CHLSN: variants seen among roughly 807,000 people sequenced by gnomAD.
CHLSN encodes the protein cholesin.
the CHLSN span, among the ~76,000 whole-genome samples, chr7:1,034,617 A>T: frequency 6.6e-6 from 1 of 152,312 alleles, no homozygotes; most frequent in Non-Finnish European, 1.5e-5. Flanking sequence ...TGATTTTTTC[A>T]AAATTTTATT....
chr7:1,114,107 A>C, the CHLSN span, among the ~76,000 whole-genome samples: 1 of 152,206 alleles, frequency 6.6e-6, no homozygotes, highest in East Asian at 1.9e-4. Flanking sequence ...CACTGTAGCA[A>C]GGACACGGCC....
the CHLSN span, among the ~76,000 whole-genome samples, chr7:1,135,790 T>TACACAC: frequency 1.8e-3 from 164 of 90,800 alleles, 2 homozygotes; most frequent in Non-Finnish European, 2.9e-3. Context: ...TATATATATA[T>TACACAC]ATACACAATT....
the CHLSN span, chr7:983,221 C>G: frequency 2.6e-6 from 4 of 1,518,438 alleles, no homozygotes; most frequent in Non-Finnish European, 1.8e-6. Context: ...CATGGCCCTG[C>G]TGCTCTTGCT....
At chr7:1,010,981 A>C in the CHLSN span, among the ~76,000 whole-genome samples, 3 of 151,754 alleles carry the variant, frequency 2.0e-5, no homozygotes, top group Non-Finnish European at 4.4e-5. Context: ...GAGGCCGGGC[A>C]CAGCCCACGC....
chr7:985,802 G>A, the CHLSN span, among the ~76,000 whole-genome samples: 10 of 152,216 alleles, frequency 6.6e-5, no homozygotes, highest in South Asian at 1.2e-3. Flanking sequence ...TTTGATGTGC[G>A]TTTACCGAAG....
chr7:1,136,379 A>C, the CHLSN span, among the ~76,000 whole-genome samples: 565 of 100,156 alleles, frequency 5.6e-3, 76 homozygotes, highest in African/African-American at 0.028. Context: ...AATATATATA[A>C]ATATATAAAC....
At chr7:1,069,760 C>G in the CHLSN span, among the ~76,000 whole-genome samples, 1 of 66,218 alleles carries the variant, frequency 1.5e-5, no homozygotes, top group East Asian at 3.4e-4. Context: ...CAGCCTCTGC[C>G]CGGCCGCCAC....
chr7:997,600 G>A, the CHLSN span: 1 of 1,509,114 alleles, frequency 6.6e-7, no homozygotes. Flanking sequence ...GCACTGGGCA[G>A]CGGCCCCGCC....
At chr7:1,133,138 C>G in the CHLSN span, among the ~76,000 whole-genome samples, 2 of 152,070 alleles carry the variant, frequency 1.3e-5, no homozygotes, top group African/African-American at 4.8e-5. Context: ...TGCCACAAGA[C>G]AATAAACCCA....
chr7:1,076,132 G>A, the CHLSN span: 1 of 152,516 alleles, frequency 6.6e-6, no homozygotes, highest in Non-Finnish European at 1.5e-5. Flanking sequence ...GGGTCTTGGT[G>A]ACAAGCAATT....
chr7:1,118,078 T>G, the CHLSN span, among the ~76,000 whole-genome samples: 3 of 152,196 alleles, frequency 2.0e-5, no homozygotes, highest in East Asian at 5.8e-4. Context: ...AGAATTCAAC[T>G]GAGACCAAAA....
chr7:1,130,567 G>A, the CHLSN span, among the ~76,000 whole-genome samples: 1 of 148,898 alleles, frequency 6.7e-6, no homozygotes, highest in Non-Finnish European at 1.5e-5. Context: ...ACCCTCCCCA[G>A]GGCCACCCCC....
At chr7:986,672 C>G in the CHLSN span, 2 of 1,612,596 alleles carry the variant, frequency 1.2e-6, no homozygotes, top group African/African-American at 2.7e-5. Flanking sequence ...GCTGCACCGG[C>G]CCGTCCTGCG....
chr7:1,097,991 C>T, the CHLSN span, among the ~76,000 whole-genome samples: 463 of 152,262 alleles, frequency 3.0e-3, 1 homozygote, highest in Middle Eastern at 0.01. This position sits in a 1 kb window ranked among gnomAD's most constrained non-coding sequence, Gnocchi z 4.3. Context: ...CAACAGGGAT[C>T]CTAGATGGGT....
chr7:1,043,091 CA>C, the CHLSN span, among the ~76,000 whole-genome samples: 476 of 135,018 alleles, frequency 3.5e-3, no homozygotes, highest in African/African-American at 4.6e-3. Flanking sequence ...ATCTCTACTA[CA>C]AAAAAAAAAA....
chr7:1,065,159 G>A, the CHLSN span, among the ~76,000 whole-genome samples: 1 of 152,206 alleles, frequency 6.6e-6, no homozygotes. Flanking sequence ...CCAGACCCAA[G>A]GCTGGACAGG....
chr7:1,135,994 T>C, the CHLSN span, among the ~76,000 whole-genome samples: 1 of 123,942 alleles, frequency 8.1e-6, no homozygotes, highest in Non-Finnish European at 1.6e-5. Context: ...TAAGCATATA[T>C]AAATATATAT....
chr7:1,135,881 G>T, the CHLSN span, among the ~76,000 whole-genome samples: 7 of 101,764 alleles, frequency 6.9e-5, no homozygotes, highest in Admixed American at 5.3e-4. Flanking sequence ...AAATATATAT[G>T]AATATATAAA....
chr7:1,007,714 G>A, the CHLSN span, among the ~76,000 whole-genome samples: 3 of 152,150 alleles, frequency 2.0e-5, no homozygotes, highest in Admixed American at 6.5e-5. Context: ...CCTCCCACAC[G>A]CAGGACACAG....
Sources: allele counts gnomAD v4.1 joint callset (sites outside exome capture counted in the v4.1 genomes callset), GRCh38; gene constraint gnomAD v4.1.1; non-coding constraint Gnocchi (gnomAD v3.1); transcripts MANE v1.5; gene names NCBI Gene and HGNC (gene_info 2026-07-23, HGNC 2026-07-21).